Variants in NALF1 observed in about 807,000 individuals in gnomAD.
The protein encoded by NALF1 is family with sequence similarity 155 member A.
Under a neutral mutation model 48.4 loss-of-function variants are expected in NALF1, and 3 were observed. That is an observed-to-expected ratio of 0.06 (90% CI 0.03 to 0.16). NALF1 has a LOEUF of 0.16. NALF1 is among the 10% of genes least tolerant of loss of function. NALF1 has a pLI of 1.00. For missense variants in NALF1, 526 were observed against 571.5 expected, an observed-to-expected ratio of 0.92 and a Z score of 0.81; for synonymous variants, 262 against 245.7, an observed-to-expected ratio of 1.07 and a Z score of -0.62.
chr13:107,832,363 T>G (rs1879762575), intron 1 of NALF1, among the ~76,000 whole-genome samples: 1 of 152,134 alleles, frequency 6.6e-6, no homozygotes, highest in Non-Finnish European at 1.5e-5. Flanking sequence ...GTAAATATTT[T>G]GTATATATAC....
chr13:107,620,789 C>T (rs1879498815), intron 1 of NALF1, among the ~76,000 whole-genome samples: 1 of 152,318 alleles, frequency 6.6e-6, no homozygotes, highest in East Asian at 1.9e-4. Flanking sequence ...GACTATGTGA[C>T]AGAGAAGTCT....
At chr13:107,520,411 G>A (rs1321331018) in intron 1 of NALF1, among the ~76,000 whole-genome samples, 1 of 152,140 alleles carries the variant, frequency 6.6e-6, no homozygotes, top group African/African-American at 2.4e-5. Context: ...GAAGAGCCAC[G>A]ATTATTACAA....
At chr13:107,260,290 T>C (rs754096757) in intron 1 of NALF1, among the ~76,000 whole-genome samples, 2 of 152,224 alleles carry the variant, frequency 1.3e-5, no homozygotes, top group African/African-American at 2.4e-5. Flanking sequence ...CTGTCTGCTG[T>C]GAATGGTTGC....
intron 1 of NALF1, among the ~76,000 whole-genome samples, chr13:107,765,851 A>G (rs1877403941): frequency 6.6e-6 from 1 of 152,146 alleles, no homozygotes; most frequent in South Asian, 2.1e-4. Context: ...TATTTAGAAA[A>G]CGCCTACTAT....
intron 1 of NALF1, among the ~76,000 whole-genome samples, chr13:107,259,351 C>T (rs528186316): frequency 1.3e-3 from 205 of 152,230 alleles, no homozygotes; most frequent in African/African-American, 4.7e-3. Context: ...TGAATTTCTG[C>T]GCTGGATCCT....
chr13:107,857,287 G>A (rs976385056), intron 1 of NALF1, among the ~76,000 whole-genome samples: 17 of 152,196 alleles, frequency 1.1e-4, no homozygotes, highest in Admixed American at 3.3e-4. Context: ...GATAAATGCC[G>A]AGTGAAGTAG....
At chr13:107,360,309 G>A (rs1435015926) in intron 1 of NALF1, among the ~76,000 whole-genome samples, 1 of 151,966 alleles carries the variant, frequency 6.6e-6, no homozygotes, top group Non-Finnish European at 1.5e-5. Flanking sequence ...AAACCACAAC[G>A]CTCAGATCCC....
chr13:107,421,183 T>C (rs1884180049), intron 1 of NALF1, among the ~76,000 whole-genome samples: 1 of 152,160 alleles, frequency 6.6e-6, no homozygotes, highest in Admixed American at 6.6e-5. Context: ...ACACTCACCA[T>C]CAGCATTGAG....
At position 107,201,144 on chromosome 13, in the gene NALF1, A is replaced by ATATC. The variant is rs57935710; in HGVS notation, c.1087+9436_1087+9439dup. Among the ~76,000 whole-genome samples, 236 of 150,470 alleles carry ATATC rather than the reference A, an allele frequency of 1.6e-3. 4 individuals carry two copies. The highest frequency in any genetic ancestry group is 1.4e-3 in the East Asian group (7 of 5,104). On this transcript the variant is annotated intron_variant, in intron 2 of 2. Coordinates refer to ENST00000375915, the MANE Select transcript of NALF1 (RefSeq NM_001080396.3). ...GTCTATGATATGTGCATGTACGTTG[A>ATATC]TATCTATCTATCTATCTATCTATCA...
chr13:107,736,192 C>A (rs867612541), intron 1 of NALF1, among the ~76,000 whole-genome samples: 2 of 45,288 alleles, frequency 4.4e-5, no homozygotes, highest in East Asian at 2.2e-3. Flanking sequence ...CACACACACA[C>A]ATACACACAC....
intron 1 of NALF1, among the ~76,000 whole-genome samples, chr13:107,237,948 T>C (rs773639655): frequency 6.6e-6 from 1 of 152,170 alleles, no homozygotes; most frequent in Non-Finnish European, 1.5e-5. Flanking sequence ...CCTGGAGCCA[T>C]TAACATACAC....
chr13:107,840,422 G>T (rs1231863513), intron 1 of NALF1, among the ~76,000 whole-genome samples: 1 of 152,232 alleles, frequency 6.6e-6, no homozygotes, highest in Non-Finnish European at 1.5e-5. Flanking sequence ...CCTGGAAATT[G>T]TACCAATCTT....
intron 1 of NALF1, among the ~76,000 whole-genome samples, chr13:107,601,045 T>A (rs933655862): frequency 3.3e-5 from 5 of 152,160 alleles, no homozygotes; most frequent in African/African-American, 1.2e-4. Flanking sequence ...ATGTGAAGGA[T>A]TTCTCTCTTT....
At chr13:107,850,188 T>G (rs567794340) in intron 1 of NALF1, among the ~76,000 whole-genome samples, 1 of 152,324 alleles carries the variant, frequency 6.6e-6, no homozygotes, top group South Asian at 2.1e-4. Context: ...TATCACTAAG[T>G]GCTAATTGTT....
intron 1 of NALF1, among the ~76,000 whole-genome samples, chr13:107,267,308 A>G (rs1179304928): frequency 3.3e-5 from 5 of 152,206 alleles, no homozygotes; most frequent in Non-Finnish European, 7.3e-5. Context: ...AAAGAGGTAC[A>G]GTCAAGCAAA....
intron 1 of NALF1, among the ~76,000 whole-genome samples, chr13:107,605,498 TG>T (rs1214502740): frequency 1.3e-5 from 2 of 151,560 alleles, no homozygotes; most frequent in African/African-American, 4.8e-5. Flanking sequence ...CATATTATCA[TG>T]TTTTTGTTTT....
At chr13:107,210,986 A>C (rs1020632201) in intron 1 of NALF1, among the ~76,000 whole-genome samples, 13 of 152,256 alleles carry the variant, frequency 8.5e-5, no homozygotes, top group Admixed American at 3.9e-4. Context: ...AGAATGTAAA[A>C]GGTATTTTGA....
chr13:107,491,094 A>G (rs1455119286), intron 1 of NALF1, among the ~76,000 whole-genome samples: 4 of 152,216 alleles, frequency 2.6e-5, no homozygotes, highest in Non-Finnish European at 5.9e-5. Flanking sequence ...TCAAGAAGAC[A>G]GAAAACATGA....
intron 1 of NALF1, among the ~76,000 whole-genome samples, chr13:107,762,658 G>A (rs1361138479): frequency 2.6e-5 from 4 of 152,098 alleles, no homozygotes; most frequent in Admixed American, 2.0e-4. Flanking sequence ...TGGAATGGTG[G>A]TTGCACGGGC....
Sources: gnomAD v4.1 joint callset for allele counts (sites outside exome capture counted in the v4.1 genomes callset) on GRCh38, gnomAD v4.1.1 for gene constraint, MANE v1.5 for transcripts, NCBI Gene and HGNC (gene_info 2026-07-23, HGNC 2026-07-21) for gene names.